The following FBN1 variants were observed in gnomAD, a reference collection of about 807,000 sequenced individuals.
FBN1 encodes the protein fibrillin-1.
In FBN1, 29 loss-of-function variants were observed where a neutral mutation model predicts 365.1. That is an observed-to-expected ratio of 0.08 (90% confidence interval 0.06 to 0.11). The LOEUF is 0.11. Ranked by LOEUF, FBN1 falls within the 10% of genes least tolerant of loss-of-function variation. FBN1 has a pLI of 1.00. For synonymous variants in FBN1, 1,210 were observed against 1,270.5 expected (o/e 0.95, Z 1.01); for missense variants, 2,476 against 3,703.2 (o/e 0.67, Z 8.60).
intron 6 of FBN1, among the ~76,000 whole-genome samples, chr15:48,590,568 G>A (rs575825756): frequency 2.6e-5 from 4 of 152,258 alleles, no homozygotes; most frequent in Admixed American, 6.5e-5. Flanking sequence ...TTTCTCAAAC[G>A]TCAACTGCAC....
At chr15:48,429,806 G>A (rs1047352772) in intron 56 of FBN1, among the ~76,000 whole-genome samples, 1 of 152,164 alleles carries the variant, frequency 6.6e-6, no homozygotes, top group Non-Finnish European at 1.5e-5. Flanking sequence ...AGGGCAATGG[G>A]ATTCTTAATC....
chr15:48,435,772 A>ATGTG (rs374043226), intron 53 of FBN1, among the ~76,000 whole-genome samples: 38,159 of 104,636 alleles, frequency 0.36, 9,400 homozygotes, highest in Middle Eastern at 0.55. Flanking sequence ...ATATGTGTAT[A>ATGTG]TGTGTGTGTG....
chr15:48,558,638 T>C (rs1171465029), intron 6 of FBN1, among the ~76,000 whole-genome samples: 2 of 152,154 alleles, frequency 1.3e-5, no homozygotes, highest in Admixed American at 6.5e-5. Context: ...CAGCACATAC[T>C]AATAAAACAA....
intron 44 of FBN1, among the ~76,000 whole-genome samples, 173 bp from the exon 45 acceptor site, chr15:48,452,857 T>G (rs1015892017): frequency 6.6e-6 from 1 of 152,252 alleles, no homozygotes; most frequent in African/African-American, 2.4e-5. Context: ...AACCAAGATG[T>G]CCTTCGATAG....
Position 48,419,366 on chromosome 15 carries a change from A to G in FBN1, c.7819+1321T>C, listed in dbSNP as rs1036301099. 2.0e-5 allele frequency among the ~76,000 whole-genome samples: 3 copies of G among 152,078 alleles called. No individual in the cohort carries two copies. In the South Asian group the frequency reaches 6.2e-4, roughly 32 times the overall value. ...AGGAGCGACATACCTTTCCTCTCTT[A>G]TGTTTTTTTCACTTAGCTCCAGTGT... On this transcript the variant is annotated intron_variant, in intron 63 of 65. Coordinates refer to ENST00000316623, the MANE Select transcript of FBN1 (RefSeq NM_000138.5).
At chr15:48,457,364 C>T (rs2043248934) in intron 43 of FBN1, among the ~76,000 whole-genome samples, 1 of 152,206 alleles carries the variant, frequency 6.6e-6, no homozygotes, top group South Asian at 2.1e-4. Context: ...GGGCTTGGCT[C>T]TCCAACACTG....
chr15:48,504,471 A>C (rs2043692137), intron 16 of FBN1, among the ~76,000 whole-genome samples: 1 of 152,248 alleles, frequency 6.6e-6, no homozygotes, highest in Non-Finnish European at 1.5e-5. Context: ...TGTTATCTTT[A>C]CCACCAGGAA....
rs397515812 is a variant in FBN1, at chr15:48,468,427, G to A, written c.4567C>T (p.Arg1523Ter). The change falls in exon 37 of 66, where the codon CGA becomes TGA. Residue 1523 changes from arginine to a stop codon, truncating the protein, a stop_gained. Coordinates refer to ENST00000316623, the MANE Select transcript of FBN1 (RefSeq NM_000138.5). LOFTEE classifies it high-confidence loss of function. Reference sequence around the variant, plus strand: ...AAGGTCTTACCAACACAGCCAACTCGAGTTGGGTTCAGTTCAAAATCAGGT... The same window carrying A: ...AAGGTCTTACCAACACAGCCAACTCAAGTTGGGTTCAGTTCAAAATCAGGT... ...CPPDFELNPT[R>*]VGCVDTRSGN... 1.2e-6 allele frequency: 2 copies of A among 1,614,142 alleles called. No homozygotes were observed. The highest frequency in any genetic ancestry group is 8.5e-7 in the Non-Finnish European group (1 of 1,180,026).
At chr15:48,636,504 C>T (rs1287510874) in intron 2 of FBN1, among the ~76,000 whole-genome samples, 8 of 152,122 alleles carry the variant, frequency 5.3e-5, no homozygotes, top group African/African-American at 1.9e-4. Context: ...AAGGCCTAGT[C>T]GCTGCATCTG....
intron 6 of FBN1, among the ~76,000 whole-genome samples, chr15:48,561,356 C>T (rs976088321): frequency 1.6e-4 from 24 of 152,090 alleles, no homozygotes; most frequent in Non-Finnish European, 3.5e-4. Flanking sequence ...AATGTTAATG[C>T]TTTAAACATT....
chr15:48,581,080 A>G (rs1434779884), intron 6 of FBN1, among the ~76,000 whole-genome samples: 2 of 152,138 alleles, frequency 1.3e-5, no homozygotes, highest in African/African-American at 4.8e-5. Context: ...CCCATGTCCT[A>G]TTGCAAAAAG....
intron 6 of FBN1, among the ~76,000 whole-genome samples, chr15:48,574,223 T>C (rs934364750): frequency 4.6e-5 from 7 of 152,126 alleles, no homozygotes; most frequent in Non-Finnish European, 1.0e-4. Flanking sequence ...GTATAGACAG[T>C]GAAATGAACC....
At chr15:48,459,677 T>C (rs2043266545) in intron 43 of FBN1, among the ~76,000 whole-genome samples, 1 of 152,236 alleles carries the variant, frequency 6.6e-6, no homozygotes, top group South Asian at 2.1e-4. Context: ...CTGAGTGCTG[T>C]GTAATACTTC....
chr15:48,414,926 A>AACTCTCAC (rs1304549943), intron 64 of FBN1, among the ~76,000 whole-genome samples: 1 of 151,482 alleles, frequency 6.6e-6, no homozygotes, highest in Non-Finnish European at 1.5e-5. Context: ...TCCCTGCCCC[A>AACTCTCAC]ACTCTCACAC....
At chr15:48,617,363 C>T (rs958075995) in intron 2 of FBN1, among the ~76,000 whole-genome samples, 8 of 151,814 alleles carry the variant, frequency 5.3e-5, no homozygotes, top group Non-Finnish European at 8.8e-5. Flanking sequence ...TTAGTAGAGA[C>T]GGGGTTTCAC....
At chr15:48,609,989 G>T (rs2044644534) in intron 4 of FBN1, among the ~76,000 whole-genome samples, 1 of 152,220 alleles carries the variant, frequency 6.6e-6, no homozygotes, top group African/African-American at 2.4e-5. Context: ...ACAATAAGGG[G>T]GGTGCATTTT....
At chr15:48,468,236 T>TTATA in intron 37 of FBN1, 134 bp from the exon 38 acceptor site, 1 of 1,348,966 alleles carries the variant, frequency 7.4e-7, no homozygotes. Flanking sequence ...CCCATGAACA[T>TTATA]TATACACTAC....
chr15:48,597,492 C>T (rs2044524998), intron 5 of FBN1, among the ~76,000 whole-genome samples: 1 of 152,200 alleles, frequency 6.6e-6, no homozygotes, highest in African/African-American at 2.4e-5. Flanking sequence ...TCCTTCTATG[C>T]AATTGTCCTT....
At chr15:48,574,138 T>C (rs772749723) in intron 6 of FBN1, among the ~76,000 whole-genome samples, 1 of 152,200 alleles carries the variant, frequency 6.6e-6, no homozygotes, top group Non-Finnish European at 1.5e-5. Flanking sequence ...AGTGGTACAA[T>C]ATTAGACCCT....
Sources: allele counts gnomAD v4.1 joint callset (sites outside exome capture counted in the v4.1 genomes callset), GRCh38; gene constraint gnomAD v4.1.1; transcripts MANE v1.5; gene names NCBI Gene and HGNC (gene_info 2026-07-23, HGNC 2026-07-21).